Variants in UBE3D observed in about 807,000 individuals in gnomAD.
The protein encoded by UBE3D is E3 ubiquitin-protein ligase E3D.
In UBE3D, 48 loss-of-function variants were observed where a neutral mutation model predicts 49.6. That is an observed-to-expected ratio of 0.97 (90% CI 0.77 to 1.23). The LOEUF is 1.23. Ranked by LOEUF, UBE3D falls within the 50% of genes most tolerant of loss-of-function variation. The pLI, the probability that UBE3D is intolerant of heterozygous loss-of-function variation, is 0.00. For missense variants in UBE3D, 452 were observed against 468.4 expected, an observed-to-expected ratio of 0.96 and a Z score of 0.32; for synonymous variants, 189 against 174.2, an observed-to-expected ratio of 1.08 and a Z score of -0.67.
Position 83,016,414 on chromosome 6 carries a change from A to G in UBE3D, c.1010+2559T>C, listed in dbSNP as rs111649007. ...ACAGTTCATGCCAAGGACTATCAGCATTCTCCATGCTATCAGAAGTAGAGT... is the reference window on the plus strand; with the variant it reads ...ACAGTTCATGCCAAGGACTATCAGCGTTCTCCATGCTATCAGAAGTAGAGT... On this transcript the variant is annotated intron_variant, in intron 8 of 9. Transcript: ENST00000369747. Among the ~76,000 whole-genome samples, 1,469 of 152,212 alleles carry G rather than the reference A, an allele frequency of 9.7e-3. 21 individuals are homozygous for G. Among genetic ancestry groups the G allele is most frequent in the African/African-American group, 0.034 (1,391 of 41,522 alleles).
chr6:82,941,853 C>A (rs946118159), intron 9 of UBE3D, among the ~76,000 whole-genome samples: 1 of 152,184 alleles, frequency 6.6e-6, no homozygotes, highest in Admixed American at 6.5e-5. Flanking sequence ...CCTGAGGCAT[C>A]CCAAGCCATA....
At chr6:82,916,854 C>A (rs1196415587) in intron 9 of UBE3D, among the ~76,000 whole-genome samples, 1 of 152,168 alleles carries the variant, frequency 6.6e-6, no homozygotes, top group Non-Finnish European at 1.5e-5. Context: ...CTCAGCTGGA[C>A]CCCCGATACC....
At chr6:82,896,359 T>C (rs1031678143) in intron 9 of UBE3D, among the ~76,000 whole-genome samples, 3 of 152,334 alleles carry the variant, frequency 2.0e-5, no homozygotes, top group Admixed American at 2.0e-4. Context: ...CAGCTTAAGG[T>C]TTTGCTGGTT....
chr6:82,952,055 C>G (rs1775838214), intron 9 of UBE3D, among the ~76,000 whole-genome samples: 1 of 152,198 alleles, frequency 6.6e-6, no homozygotes, highest in Non-Finnish European at 1.5e-5. Context: ...TGTTCCTCAA[C>G]TAGGAGGATC....
chr6:82,924,122 C>G (rs749894439), intron 9 of UBE3D, among the ~76,000 whole-genome samples: 1 of 151,428 alleles, frequency 6.6e-6, no homozygotes, highest in African/African-American at 2.4e-5. Flanking sequence ...AAGAAAAGTA[C>G]TTGGAAGTCC....
chr6:83,021,352 G>A lies in UBE3D; in HGVS notation c.846+1101C>T, dbSNP rs575396444. Among the ~76,000 whole-genome samples, 327 of 152,176 alleles carry A rather than the reference G, an allele frequency of 2.1e-3. 1 individual carries two copies. Among genetic ancestry groups the A allele is most frequent in the Middle Eastern group, 0.014 (4 of 294 alleles). ...GCTATTCAGAAGGCTGAGGTGGGAGGATCACTTTAGCCTGGGAAGTCGAGG... is the reference window on the plus strand; with the variant it reads ...GCTATTCAGAAGGCTGAGGTGGGAGAATCACTTTAGCCTGGGAAGTCGAGG... On this transcript the variant is annotated intron_variant, in intron 7 of 9. Coordinates refer to ENST00000369747, the MANE Select transcript of UBE3D (RefSeq NM_198920.3).
chr6:83,040,693 G>C, intron 4 of UBE3D, among the ~76,000 whole-genome samples: 1 of 152,182 alleles, frequency 6.6e-6, no homozygotes, highest in East Asian at 1.9e-4. Flanking sequence ...GGAAACAAAA[G>C]CACACATGAA....
intron 8 of UBE3D, among the ~76,000 whole-genome samples, chr6:82,996,659 T>C (rs1333447645): frequency 6.6e-6 from 1 of 152,098 alleles, no homozygotes; most frequent in African/African-American, 2.4e-5. Context: ...TTGCCGGTGA[T>C]GGAAGGTGGA....
At chr6:83,028,303 G>A (rs912957882) in intron 5 of UBE3D, among the ~76,000 whole-genome samples, 2 of 152,128 alleles carry the variant, frequency 1.3e-5, no homozygotes, top group Non-Finnish European at 2.9e-5. Flanking sequence ...GTTGCATGGT[G>A]AATACTATAC....
At chr6:83,010,252 C>A (rs181146480) in intron 8 of UBE3D, among the ~76,000 whole-genome samples, 22 of 152,108 alleles carry the variant, frequency 1.4e-4, no homozygotes, top group Admixed American at 1.4e-3. Context: ...GCTTCCAAAT[C>A]ATTGGAAGAA....
rs1188392391 is a variant in UBE3D, at chr6:83,027,723, G to A, written c.668-3685C>T. Among the ~76,000 whole-genome samples, 6 of 152,200 alleles carry A rather than the reference G, an allele frequency of 3.9e-5. No homozygotes were observed. In the East Asian group the frequency reaches 7.7e-4, roughly 20 times the overall value. ...TTATTCTACAGTATTACTCGCATGT[G>A]TCTAAGTATGGATTTCTTTTTATTT... On this transcript the variant is annotated intron_variant, in intron 5 of 9. Coordinates refer to ENST00000369747, the MANE Select transcript of UBE3D (RefSeq NM_198920.3).
intron 8 of UBE3D, among the ~76,000 whole-genome samples, chr6:82,985,008 C>CCTTTTTTT (rs1442501883): frequency 1.9e-5 from 1 of 52,998 alleles, no homozygotes; most frequent in Non-Finnish European, 3.3e-5. Flanking sequence ...TCTTCTTCTT[C>CCTTTTTTT]TTTTTTTTTT....
intron 9 of UBE3D, among the ~76,000 whole-genome samples, chr6:82,906,666 G>A (rs1317316958): frequency 6.6e-6 from 1 of 152,132 alleles, no homozygotes; most frequent in East Asian, 1.9e-4. Context: ...TGCTTACAAA[G>A]CACTTTGAAC....
the UBE3D span, among the ~76,000 whole-genome samples, chr6:82,883,064 A>T: frequency 1.3e-5 from 2 of 152,248 alleles, no homozygotes; most frequent in African/African-American, 4.8e-5. Context: ...CCTGGTCATT[A>T]TATTCATCTA....
chr6:82,951,687 G>A (rs182146353), intron 9 of UBE3D, among the ~76,000 whole-genome samples: 35 of 152,282 alleles, frequency 2.3e-4, no homozygotes, highest in African/African-American at 7.2e-4. Flanking sequence ...CAGGTACAGG[G>A]TGGGAAAGCA....
At position 83,003,000 on chromosome 6, in the gene UBE3D, G is replaced by A. The variant is rs113110373; in HGVS notation, c.1010+15973C>T. 7.2e-5 allele frequency among the ~76,000 whole-genome samples: 11 copies of A among 152,204 alleles called. No individual in the cohort carries two copies. The East Asian group carries it at 7.7e-4, about 11-fold the overall frequency. ...GGTGTATTTACCATGCTGCCTTAAC[G>A]TGACTGTAAGTTCCTGTTTGGCAAA... On this transcript the variant is annotated intron_variant, in intron 8 of 9. Transcript: ENST00000369747.
intron 8 of UBE3D, among the ~76,000 whole-genome samples, chr6:82,986,470 CAAAAAAAAA>C (rs58841514): frequency 2.9e-5 from 1 of 34,866 alleles, no homozygotes; most frequent in Admixed American, 3.9e-4. Context: ...CACTCTGTCT[CAAAAAAAAA>C]AAAAAAAAAA....
At chr6:82,890,348 C>T (rs1007303609), downstream of UBE3D, among the ~76,000 whole-genome samples, 1 of 152,118 alleles carries the variant, frequency 6.6e-6, no homozygotes, top group Non-Finnish European at 1.5e-5. Flanking sequence ...TAGACTCTCA[C>T]AGGTACAGAC....
chr6:82,892,822 G>A lies in UBE3D; in HGVS notation c.*200C>T. The A allele has an allele frequency of 1.6e-6, 1 of 629,690 alleles. No homozygotes were observed. The highest frequency in any genetic ancestry group is 1.7e-5 in the South Asian group (1 of 58,262). The allele number at this position is 629,690 out of a possible 1,614,324, so 39.0% of individuals were successfully genotyped here. A position where few individuals can be genotyped will look rare whatever the true frequency, so the allele number is the denominator to read the frequency against. ...CTACTATGACTTTCTTCACAGTCCT[G>A]GGTTTTCAAAGATCTAAAGTTAACT... On this transcript the variant is annotated 3_prime_UTR_variant, in exon 10 of 10. Coordinates refer to ENST00000369747, the MANE Select transcript of UBE3D (RefSeq NM_198920.3).
Sources: allele counts gnomAD v4.1 joint callset (sites outside exome capture counted in the v4.1 genomes callset), GRCh38; gene constraint gnomAD v4.1.1; transcripts MANE v1.5; gene names NCBI Gene and HGNC (gene_info 2026-07-23, HGNC 2026-07-21).